Variants in SLC34A2 observed in about 807,000 individuals in gnomAD.
SLC34A2 encodes sodium-dependent phosphate transport protein 2B.
Under a neutral mutation model 50.8 loss-of-function variants are expected in SLC34A2, and 41 were observed. The ratio of observed to expected loss-of-function variants is 0.81; its 90% CI spans 0.63 to 1.05. The LOEUF is 1.05. Among genes scored for constraint, SLC34A2 ranks in the 50% least tolerant of loss-of-function variants. The pLI, the probability that SLC34A2 is intolerant of heterozygous loss-of-function variation, is 0.00. For missense variants in SLC34A2, 879 were observed against 876.7 expected, an observed-to-expected ratio of 1.00 and a Z score of -0.03; for synonymous variants, 401 against 364.2, an observed-to-expected ratio of 1.10 and a Z score of -1.15.
chr4:25,666,277 TCGGGG>T lies in SLC34A2; in HGVS notation c.523+8_523+12del. On this transcript the variant is annotated splice_region_variant and intron_variant, in intron 5 of 12. Transcript: ENST00000382051. ...CAGCATGGTGTCCTCTTCATGTGAG[TCGGGG>T]CACCCATGAGCCCACCTGCATTCCA... The T allele has an allele frequency of 6.2e-7, 1 of 1,613,520 alleles. No homozygotes were observed. The highest frequency in any genetic ancestry group is 1.3e-5 in the African/African-American group (1 of 74,974).
chr4:25,660,298 G>A (rs1243013233), intron 1 of SLC34A2, among the ~76,000 whole-genome samples: 1 of 152,206 alleles, frequency 6.6e-6, no homozygotes, highest in African/African-American at 2.4e-5. Flanking sequence ...CCTCTTGGAA[G>A]AGGTGATCAG....
chr4:25,664,145 T>C (rs1714359093), intron 3 of SLC34A2, 57 bp from the exon 4 acceptor site: 2 of 1,589,944 alleles, frequency 1.3e-6, no homozygotes, highest in Non-Finnish European at 1.7e-6. Context: ...TCTCAGGGTT[T>C]CCAACACTAA....
chr4:25,663,190 G>A (rs768465166), intron 3 of SLC34A2, among the ~76,000 whole-genome samples: 31 of 152,116 alleles, frequency 2.0e-4, no homozygotes, highest in African/African-American at 6.3e-4. Context: ...TCCTGACCTC[G>A]TGATCCACCC....
At chr4:25,662,170 T>C (rs551780157) in intron 1 of SLC34A2, among the ~76,000 whole-genome samples, 1 of 152,312 alleles carries the variant, frequency 6.6e-6, no homozygotes, top group East Asian at 1.9e-4. Context: ...CGGTGCCCGT[T>C]GCACCCTGCT....
chr4:25,666,211 G>T lies in SLC34A2; in HGVS notation c.463G>T (p.Val155Phe), dbSNP rs75684712. The change falls in exon 5 of 13, where the codon GTC (valine) becomes TTC (phenylalanine). Residue 155 changes from valine to phenylalanine, a missense_variant. Physicochemically the swap from Val to Phe is conservative, Grantham distance 50. Transcript: ENST00000382051. ...LGLVIGVLVT[V>F]LVQSSSTSTS... ...GCTGGTGATCGGGGTGCTGGTGACC[G>T]TCTTGGTGCAGAGCTCCAGCACCTC... 1.9e-6 allele frequency: 3 copies of T among 1,613,942 alleles called. No homozygotes were observed. Among genetic ancestry groups the T allele is most frequent in the Admixed American group, 1.7e-5 (1 of 59,994 alleles).
chr4:25,674,722 G>C, intron 12 of SLC34A2, 93 bp downstream of exon 12: 1 of 1,530,984 alleles, frequency 6.5e-7, no homozygotes, highest in Non-Finnish European at 8.9e-7. Context: ...GCTTTTCTCT[G>C]TACTATCCAA....
In SLC34A2 at chr4:25,664,248, G is replaced by A. The variant is rs934632881; in HGVS notation, c.297G>A (p.Gly99=). 6.2e-7 allele frequency: 1 copy of A among 1,613,028 alleles called. No homozygotes were observed. Among genetic ancestry groups the A allele is most frequent in the Non-Finnish European group, 8.5e-7 (1 of 1,179,128 alleles). ...GKILCFFQGI[G]RLILLLGFLY... ...TTCTCTGTTTCTTCCAAGGGATTGG[G>A]AGATTGATTTTACTTCTCGGATTTC... Residue 99 remains glycine, a synonymous_variant, in exon 4 of 13, where the codon GGG becomes GGA. Transcript: ENST00000382051.
In SLC34A2 at chr4:25,678,233, TC is replaced by T. The variant is rs1000964839; in HGVS notation, c.*1489del. ...ATATCAGACAGTCCTCCCCTGACCCTCCCCCTTGTAGATATCAATTCCCAAA... is the reference window on the plus strand; with the variant it reads ...ATATCAGACAGTCCTCCCCTGACCCTCCCCTTGTAGATATCAATTCCCAAA... On this transcript the variant is annotated 3_prime_UTR_variant, in exon 13 of 13. Transcript: ENST00000382051. 1 of 152,518 alleles carries T rather than the reference TC, an allele frequency of 6.6e-6. No individual in the cohort carries two copies. The highest frequency in any genetic ancestry group is 2.4e-5 in the African/African-American group (1 of 41,360). The allele number at this position is 152,518 out of a possible 1,614,324, so 9.4% of individuals were successfully genotyped here.
rs1715118857 is a variant in SLC34A2, at chr4:25,676,393, C to T, written c.1717C>T (p.Arg573Ter). The T allele has an allele frequency of 6.2e-7, 1 of 1,614,116 alleles. No homozygotes were observed. The highest frequency in any genetic ancestry group is 8.5e-7 in the Non-Finnish European group (1 of 1,179,984). Residue 573 changes from arginine (R) to a stop codon, truncating the protein, a stop_gained, in exon 13 of 13, where the codon CGA (arginine) becomes TGA (stop). Transcript: ENST00000382051. LOFTEE classifies it low-confidence loss of function (END_TRUNC). ...CATCATCATCCTGGTACTGTGCCTC[C>T]GACTCCTGCAGTCTCGCTGCCCACG... is the stretch of plus-strand genomic sequence containing the variant. ...VFIIILVLCL[R>*]LLQSRCPRVL...
At chr4:25,662,350 G>A (rs558823789) in intron 1 of SLC34A2, 148 bp from the exon 2 acceptor site, 1 of 692,622 alleles carries the variant, frequency 1.4e-6, no homozygotes, top group South Asian at 1.6e-5. Flanking sequence ...GGGGGCATAA[G>A]TGTGAAATCT....
chr4:25,658,497 G>A (rs910308649), intron 1 of SLC34A2, among the ~76,000 whole-genome samples: 1 of 152,204 alleles, frequency 6.6e-6, no homozygotes, highest in African/African-American at 2.4e-5. Context: ...TAGGGGTTGG[G>A]TGACTGCCAG....
Position 25,673,241 on chromosome 4 carries a change from G to A in SLC34A2, c.1203G>A (p.Lys401=), listed in dbSNP as rs1714915253. The A allele has an allele frequency of 6.2e-7, 1 of 1,613,182 alleles. No individual in the cohort carries two copies. The highest frequency in any genetic ancestry group is 8.5e-7 in the Non-Finnish European group (1 of 1,179,986). The part of the protein sequence containing the change: ...LKGQVATVIK[K]TINTDFPFPF... Reference sequence around the variant, plus strand: ...GGCAGGTCGCCACTGTCATCAAGAAGACCATCAACACTGGTAGGTACACTG... The same window carrying A: ...GGCAGGTCGCCACTGTCATCAAGAAAACCATCAACACTGGTAGGTACACTG... Residue 401 remains lysine, a synonymous_variant, in exon 10 of 13, where the codon AAG becomes AAA. Coordinates refer to ENST00000382051, the MANE Select transcript of SLC34A2 (RefSeq NM_006424.3).
At chr4:25,668,065 C>G in intron 6 of SLC34A2, 74 bp downstream of exon 6, 3 of 929,964 alleles carry the variant, frequency 3.2e-6, no homozygotes, top group Non-Finnish European at 5.3e-6. Flanking sequence ...CTGCTTTTAA[C>G]CAGCCAAAGA....
chr4:25,664,649 C>T (rs543400733), intron 4 of SLC34A2, among the ~76,000 whole-genome samples: 1 of 152,354 alleles, frequency 6.6e-6, no homozygotes, highest in South Asian at 2.1e-4. Context: ...TGAGGAATTC[C>T]TATATCCTCC....
At chr4:25,664,429 C>T in intron 4 of SLC34A2, 99 bp downstream of exon 4, 1 of 1,374,698 alleles carries the variant, frequency 7.3e-7, no homozygotes, top group Non-Finnish European at 1.0e-6. Context: ...CTGCAGCCTC[C>T]TGGAGTGTTT....
In SLC34A2 at chr4:25,676,713, T is replaced by C. The variant is rs531266087; in HGVS notation, c.2037T>C (p.Pro679=). 2 of 1,614,208 alleles carry C rather than the reference T, an allele frequency of 1.2e-6. No homozygotes were observed. The highest frequency in any genetic ancestry group is 1.3e-5 in the African/African-American group (1 of 75,066). The change falls in exon 13 of 13, where the codon CCT becomes CCC. Residue 679 remains proline, a synonymous_variant. Transcript: ENST00000382051. ...TISREAQGEV[P]ASDSKTECTA... is the part of the protein sequence containing the mutation. Reference sequence around the variant, plus strand: ...GCAGAGAGGCTCAGGGTGAGGTCCCTGCCTCGGACTCAAAGACCGAATGCA... The same window carrying C: ...GCAGAGAGGCTCAGGGTGAGGTCCCCGCCTCGGACTCAAAGACCGAATGCA...
intron 1 of SLC34A2, among the ~76,000 whole-genome samples, chr4:25,659,475 GAC>G (rs1372833699): frequency 6.6e-6 from 1 of 151,918 alleles, no homozygotes; most frequent in African/African-American, 2.4e-5. Context: ...TACTGTTCAT[GAC>G]ACAGTGCATT....
At chr4:25,665,163 C>CTTTT (rs10676891) in intron 4 of SLC34A2, 58 of 127,412 alleles carry the variant, frequency 4.6e-4, no homozygotes, top group Non-Finnish European at 6.0e-4. Flanking sequence ...CTGGACATTG[C>CTTTT]TTTTTTTTTT....
At chr4:25,674,754 G>A in intron 12 of SLC34A2, 125 bp downstream of exon 12, 1 of 1,298,918 alleles carries the variant, frequency 7.7e-7, no homozygotes, top group Non-Finnish European at 1.1e-6. Context: ...AATATGTGGA[G>A]GGGAAGCCAC....
Sources: allele counts gnomAD v4.1 joint callset (sites outside exome capture counted in the v4.1 genomes callset), GRCh38; gene constraint gnomAD v4.1.1; transcripts MANE v1.5; gene names NCBI Gene and HGNC (gene_info 2026-07-23, HGNC 2026-07-21).